The following MOV10L1 variants were observed in gnomAD, a reference collection of about 807,000 sequenced individuals.
MOV10L1 encodes Mov10 like RNA helicase 1.
Under a neutral mutation model 143.8 loss-of-function variants are expected in MOV10L1, and 110 were observed. The ratio of observed to expected loss-of-function variants is 0.76; its 90% confidence interval spans 0.66 to 0.90. MOV10L1 has a LOEUF of 0.90. Among genes scored for constraint, MOV10L1 ranks in the 40% least tolerant of loss-of-function variants. The pLI, the probability that MOV10L1 is intolerant of heterozygous loss-of-function variation, is 0.00. For synonymous variants in MOV10L1, 593 were observed against 581.1 expected (o/e 1.02, Z -0.29); for missense variants, 1,406 against 1,526.8 (o/e 0.92, Z 1.32).
intron 13 of MOV10L1, among the ~76,000 whole-genome samples, chr22:50,129,873 T>A (rs1469969598): frequency 6.6e-6 from 1 of 152,236 alleles, no homozygotes; most frequent in African/African-American, 2.4e-5. Context: ...CCCTCTTTTT[T>A]ATTGAGTAAT....
At chr22:50,112,618 T>C (rs2062054152) in intron 5 of MOV10L1, among the ~76,000 whole-genome samples, 1 of 152,218 alleles carries the variant, frequency 6.6e-6, no homozygotes, top group African/African-American at 2.4e-5. Context: ...GAGTAGAAGC[T>C]GCTGGGGTGG....
At position 50,114,290 on chromosome 22, in the gene MOV10L1, A is replaced by G. The variant is rs2062107659; in HGVS notation, c.885-91A>G. 17 of 1,455,048 alleles carry G rather than the reference A, an allele frequency of 1.2e-5. No homozygotes were observed. In the South Asian group the frequency reaches 1.3e-4, roughly 11 times the overall value. The allele number at this position is 1,455,048 out of a possible 1,614,324, so 90.1% of individuals were successfully genotyped here. ...ATTCATAAGTGTATTTGCAGTCACCACTTCCTAGATTAGGTTTTGTGTTTT... is the reference window on the plus strand; with the variant it reads ...ATTCATAAGTGTATTTGCAGTCACCGCTTCCTAGATTAGGTTTTGTGTTTT... On this transcript the variant is annotated intron_variant, in intron 6 of 26. Transcript: ENST00000262794.
chr22:50,140,348 G>A (rs1186298339), intron 15 of MOV10L1, among the ~76,000 whole-genome samples: 2 of 152,164 alleles, frequency 1.3e-5, no homozygotes, highest in Non-Finnish European at 2.9e-5. Flanking sequence ...GTATGTGCAC[G>A]TCAGACTTGT....
intron 15 of MOV10L1, among the ~76,000 whole-genome samples, chr22:50,136,012 T>C (rs2062814349): frequency 6.6e-6 from 1 of 152,188 alleles, no homozygotes; most frequent in African/African-American, 2.4e-5. Flanking sequence ...TATCTAATAC[T>C]CAAAAATGCT....
In MOV10L1 at chr22:50,126,184, A is replaced by C; in HGVS notation, c.1748-18A>C. On this transcript the variant is annotated intron_variant, in intron 11 of 26. Coordinates refer to ENST00000262794, the MANE Select transcript of MOV10L1 (RefSeq NM_018995.3). ...ATTTTGTGTTAGCTTTAAACATGGT[A>C]ATATATTTTTTAACTAGGTGATAAA... The C allele has an allele frequency of 6.6e-7, 1 of 1,521,928 alleles. No individual in the cohort carries two copies. Among genetic ancestry groups the C allele is most frequent in the Non-Finnish European group, 9.1e-7 (1 of 1,101,336 alleles). The allele number at this position is 1,521,928 out of a possible 1,614,324, so 94.3% of individuals were successfully genotyped here. A position where few individuals can be genotyped will look rare whatever the true frequency, so the allele number is the denominator to read the frequency against.
In MOV10L1 at chr22:50,159,818, G is replaced by A; in HGVS notation, c.3324+33G>A. On this transcript the variant is annotated intron_variant, in intron 24 of 26. Coordinates refer to ENST00000262794, the MANE Select transcript of MOV10L1 (RefSeq NM_018995.3). The surrounding 1 kb of genome is among the most constrained non-coding windows in gnomAD (Gnocchi z 4.1). The stretch of plus-strand genomic sequence containing the variant: ...TCCCTGTTCTCCGTGGGGATGGACA[G>A]TCAGGTGCTTGCTGCCCTGGGGGTT... The A allele has an allele frequency of 1.4e-6, 2 of 1,449,718 alleles. No homozygotes were observed. Among genetic ancestry groups the A allele is most frequent in the Admixed American group, 1.7e-5 (1 of 57,964 alleles). The allele number at this position is 1,449,718 out of a possible 1,614,324, so 89.8% of individuals were successfully genotyped here. A position where few individuals can be genotyped will look rare whatever the true frequency, so the allele number is the denominator to read the frequency against.
chr22:50,122,427 A>AATAAAAC (rs2062372120), intron 10 of MOV10L1, among the ~76,000 whole-genome samples: 1 of 152,192 alleles, frequency 6.6e-6, no homozygotes, highest in Non-Finnish European at 1.5e-5. Flanking sequence ...GAATTTATTT[A>AATAAAAC]TTCTAACAGT....
chr22:50,159,666 T>C lies in MOV10L1; in HGVS notation c.3217-12T>C. The stretch of plus-strand genomic sequence containing the variant: ...GTGTTATCTTTAGTCTTTCTTTTAA[T>C]CTGTTCTCAAGGTGGAGAAAATCAG... On this transcript the variant is annotated splice_polypyrimidine_tract_variant and intron_variant, in intron 23 of 26. Coordinates refer to ENST00000262794, the MANE Select transcript of MOV10L1 (RefSeq NM_018995.3). This position sits in a 1 kb window ranked among gnomAD's most constrained non-coding sequence, Gnocchi z 4.1. 6.5e-7 allele frequency: 1 copy of C among 1,533,234 alleles called. No individual in the cohort carries two copies. Among genetic ancestry groups the C allele is most frequent in the South Asian group, 1.1e-5 (1 of 87,696 alleles). The allele number at this position is 1,533,234 out of a possible 1,614,324, so 95.0% of individuals were successfully genotyped here.
At chr22:50,106,680 T>C (rs181486100) in intron 3 of MOV10L1, among the ~76,000 whole-genome samples, 1 of 151,014 alleles carries the variant, frequency 6.6e-6, no homozygotes, top group African/African-American at 2.4e-5. Context: ...CGTATTAAAT[T>C]GTGGTTTTAG....
intron 2 of MOV10L1, among the ~76,000 whole-genome samples, chr22:50,097,081 T>C (rs2147026376): frequency 6.6e-6 from 1 of 152,306 alleles, no homozygotes; most frequent in Non-Finnish European, 1.5e-5. Context: ...AAGAGTTTTA[T>C]AGTTTTTGCT....
intron 19 of MOV10L1, 72 bp downstream of exon 19, chr22:50,145,882 C>T: frequency 6.3e-7 from 1 of 1,591,618 alleles, no homozygotes; most frequent in East Asian, 2.2e-5. Flanking sequence ...TAGCTTCTGT[C>T]TGAGGGGCGG....
intron 13 of MOV10L1, among the ~76,000 whole-genome samples, chr22:50,131,966 T>C (rs2147267564): frequency 6.6e-6 from 1 of 152,334 alleles, no homozygotes; most frequent in Non-Finnish European, 1.5e-5. Context: ...GCAGGTTCAG[T>C]GTCCTGGTGA....
rs367764991 is a variant in MOV10L1 at position 50,161,023 on chromosome 22, C to T, written c.3522C>T (p.Cys1174=). The T allele has an allele frequency of 1.7e-4, 281 of 1,614,136 alleles. 6 individuals are homozygous for T. In the South Asian group the frequency reaches 1.9e-3, roughly 11 times the overall value. ...TTACAAACGGTGTTTACATGGGATG[C>T]GATTTACCTCCTGCACTGCAGTCTC... is the stretch of plus-strand genomic sequence containing the variant. ...YSITNGVYMG[C]DLPPALQSLQ... is the part of the protein sequence containing the mutation. The change falls in exon 26 of 27, where the codon TGC becomes TGT. Residue 1174 remains cysteine (C), a synonymous_variant. Transcript: ENST00000262794.
chr22:50,143,816 G>T (rs1238459566), intron 17 of MOV10L1, among the ~76,000 whole-genome samples: 6 of 151,900 alleles, frequency 3.9e-5, no homozygotes, highest in Admixed American at 2.0e-4. Flanking sequence ...GCGCACAATT[G>T]TACCACACGC....
At chr22:50,160,221 C>T (rs898730592) in intron 24 of MOV10L1, among the ~76,000 whole-genome samples, 93 of 151,086 alleles carry the variant, frequency 6.2e-4, no homozygotes, top group Non-Finnish European at 9.8e-4. Context: ...CCCTTCTCCC[C>T]CTCCCCCCAC....
chr22:50,146,719 A>C (rs945261123), intron 19 of MOV10L1, among the ~76,000 whole-genome samples: 6 of 152,014 alleles, frequency 3.9e-5, no homozygotes, highest in African/African-American at 1.5e-4. Context: ...GAGGGTGACC[A>C]CAGGAGGTGG....
chr22:50,156,050 T>G (rs1412383971), intron 22 of MOV10L1, among the ~76,000 whole-genome samples: 3 of 148,274 alleles, frequency 2.0e-5, no homozygotes, highest in Admixed American at 1.3e-4. Flanking sequence ...AAACCCTGTC[T>G]CATTCATTCA....
chr22:50,144,383 C>T (rs2063076974), intron 18 of MOV10L1, 140 bp downstream of exon 18: 3 of 1,051,710 alleles, frequency 2.9e-6, no homozygotes, highest in African/African-American at 1.6e-5. Context: ...AATGGCTCTG[C>T]CATGGGCCCT....
chr22:50,109,017 G>A (rs544018660), intron 5 of MOV10L1, among the ~76,000 whole-genome samples, 173 bp downstream of exon 5: 2 of 152,024 alleles, frequency 1.3e-5, no homozygotes, highest in East Asian at 1.9e-4. Context: ...GGTGGTGCTC[G>A]CCTGTAATCC....
Sources: allele counts gnomAD v4.1 joint callset (sites outside exome capture counted in the v4.1 genomes callset), GRCh38; gene constraint gnomAD v4.1.1; non-coding constraint Gnocchi (gnomAD v3.1); transcripts MANE v1.5; gene names NCBI Gene and HGNC (gene_info 2026-07-23, HGNC 2026-07-21).